The following STK39 variants were observed in gnomAD, a reference collection of about 807,000 sequenced individuals.
STK39 encodes serine/threonine kinase 39.
STK39 carries 20 observed loss-of-function variants against 77.8 expected under a neutral mutation model. That is an observed-to-expected ratio of 0.26 (90% confidence interval 0.18 to 0.37). STK39 has a LOEUF of 0.37. Among genes scored for constraint, STK39 ranks in the 10% least tolerant of loss-of-function variants. STK39 has a pLI of 1.00. For missense variants in STK39, 479 were observed against 656.5 expected (o/e 0.73, Z 2.95); for synonymous variants, 246 against 234.1 (o/e 1.05, Z -0.47).
At chr2:168,040,066 C>T (rs1377750855) in intron 14 of STK39, among the ~76,000 whole-genome samples, 1 of 152,112 alleles carries the variant, frequency 6.6e-6, no homozygotes, top group African/African-American at 2.4e-5. Flanking sequence ...TCATCCTGTA[C>T]ATTACAATGC....
intron 10 of STK39, among the ~76,000 whole-genome samples, chr2:168,111,567 T>C (rs528868293): frequency 1.3e-5 from 2 of 152,358 alleles, no homozygotes; most frequent in Non-Finnish European, 2.9e-5. Flanking sequence ...CTTCTCTAGC[T>C]GATTTTAGGA....
At chr2:168,092,840 C>T (rs1188172492) in intron 10 of STK39, among the ~76,000 whole-genome samples, 9 of 152,164 alleles carry the variant, frequency 5.9e-5, no homozygotes, top group African/African-American at 2.2e-4. Context: ...GGGCAAAAGG[C>T]ACTCAGAAAA....
chr2:168,140,547 T>C (rs1687954166), intron 6 of STK39, 102 bp downstream of exon 6: 8 of 1,154,764 alleles, frequency 6.9e-6, no homozygotes, highest in Non-Finnish European at 8.9e-6. Flanking sequence ...AGTTACATTA[T>C]GCATTCTACT....
intron 10 of STK39, among the ~76,000 whole-genome samples, chr2:168,079,932 T>C (rs540677025): frequency 3.8e-4 from 58 of 152,302 alleles, no homozygotes; most frequent in African/African-American, 1.4e-3. Context: ...CATGTGTCCA[T>C]GGCCCAAGCT....
intron 15 of STK39, among the ~76,000 whole-genome samples, chr2:168,014,184 G>A (rs1684347427): frequency 6.6e-6 from 1 of 152,062 alleles, no homozygotes; most frequent in Admixed American, 6.5e-5. Context: ...CTTTTTGCCA[G>A]CAGTACAAAA....
chr2:168,226,066 T>C (rs1394894146), intron 1 of STK39, among the ~76,000 whole-genome samples: 1 of 152,112 alleles, frequency 6.6e-6, no homozygotes, highest in Admixed American at 6.6e-5. Context: ...TCTGACTAAG[T>C]AGAAACAACA....
At chr2:168,194,137 A>G (rs1332175362) in intron 1 of STK39, among the ~76,000 whole-genome samples, 1 of 152,178 alleles carries the variant, frequency 6.6e-6, no homozygotes, top group African/African-American at 2.4e-5. Flanking sequence ...GATTTGGCCT[A>G]GCATGGTGAC....
At chr2:168,048,261 G>A (rs1181608431) in intron 14 of STK39, among the ~76,000 whole-genome samples, 1 of 149,058 alleles carries the variant, frequency 6.7e-6, no homozygotes, top group East Asian at 2.0e-4. Context: ...CACCCAGGCT[G>A]AAGTATAATG....
intron 1 of STK39, among the ~76,000 whole-genome samples, chr2:168,204,499 G>A (rs978321605): frequency 1.3e-5 from 2 of 152,200 alleles, no homozygotes; most frequent in African/African-American, 4.8e-5. Context: ...CCCAGGGAAG[G>A]CAAGACCTGG....
At chr2:168,000,742 G>A (rs1683979419) in intron 16 of STK39, among the ~76,000 whole-genome samples, 1 of 152,144 alleles carries the variant, frequency 6.6e-6, no homozygotes, top group African/African-American at 2.4e-5. Context: ...GCACGATCTT[G>A]ACCCCAGATC....
At chr2:167,986,612 T>C (rs1308529075) in intron 16 of STK39, among the ~76,000 whole-genome samples, 1 of 152,142 alleles carries the variant, frequency 6.6e-6, no homozygotes, top group South Asian at 2.1e-4. Context: ...TTTAGACTTT[T>C]AAGATAAGTA....
Position 168,017,065 on chromosome 2 carries a change from T to C in STK39, c.1407A>G (p.Arg469=), listed in dbSNP as rs752765964. 2 of 1,608,158 alleles carry C rather than the reference T, an allele frequency of 1.2e-6. No individual in the cohort carries two copies. Among genetic ancestry groups the C allele is most frequent in the Non-Finnish European group, 1.7e-6 (2 of 1,177,210 alleles). ...TACCTCTTCCTGGAGTAAACTCAAA[T>C]CGTATGTCATTAAGTTCCTTTCTGG... is the stretch of plus-strand genomic sequence containing the variant. The part of the protein sequence containing the change: ...RNSRKELNDI[R]FEFTPGRDTA... The change falls in exon 15 of 18, where the codon CGA becomes CGG. Residue 469 remains arginine, a synonymous_variant. Transcript: ENST00000355999.
chr2:168,217,645 T>C (rs1170879228), intron 1 of STK39, among the ~76,000 whole-genome samples: 1 of 152,228 alleles, frequency 6.6e-6, no homozygotes, highest in Admixed American at 6.5e-5. Flanking sequence ...TATGCATATC[T>C]TCCTGTATAC....
intron 17 of STK39, among the ~76,000 whole-genome samples, chr2:167,959,101 G>GATTT (rs71003016): frequency 0.14 from 20,524 of 149,280 alleles, 1,592 homozygotes; most frequent in South Asian, 0.23. Flanking sequence ...AATATTGTCA[G>GATTT]ATTTATTTAT....
chr2:167,964,779 G>A, intron 16 of STK39, 53 bp from the exon 17 acceptor site: 2 of 1,456,680 alleles, frequency 1.4e-6, no homozygotes, highest in Non-Finnish European at 1.9e-6. Flanking sequence ...CAATAACAGT[G>A]GATTTTCACA....
chr2:168,185,295 CA>C (rs1174803668), intron 1 of STK39, among the ~76,000 whole-genome samples: 1 of 152,208 alleles, frequency 6.6e-6, no homozygotes, highest in Non-Finnish European at 1.5e-5. Context: ...CCTGTATGCA[CA>C]TATGCACAAG....
chr2:168,057,448 C>T (rs1685554286), intron 14 of STK39, among the ~76,000 whole-genome samples: 1 of 152,224 alleles, frequency 6.6e-6, no homozygotes, highest in Admixed American at 6.5e-5. Context: ...CTGCCTTGGC[C>T]TCCCAAAGTG....
chr2:168,092,976 T>C (rs1686565163), intron 10 of STK39, among the ~76,000 whole-genome samples: 1 of 152,150 alleles, frequency 6.6e-6, no homozygotes, highest in East Asian at 1.9e-4. Flanking sequence ...ACACACATGT[T>C]TCTCTCTCCA....
chr2:168,166,402 G>A (rs1559129237), intron 3 of STK39, among the ~76,000 whole-genome samples: 1 of 152,210 alleles, frequency 6.6e-6, no homozygotes. Context: ...AATTGTCAAT[G>A]GCTTGCATCA....
Sources: gnomAD v4.1 joint callset for allele counts (sites outside exome capture counted in the v4.1 genomes callset) on GRCh38, gnomAD v4.1.1 for gene constraint, MANE v1.5 for transcripts, NCBI Gene and HGNC (gene_info 2026-07-23, HGNC 2026-07-21) for gene names.